The following COL4A4 variants were observed in gnomAD, a reference collection of about 807,000 sequenced individuals.
COL4A4 encodes collagen alpha-4(IV) chain.
Under a neutral mutation model 192.9 loss-of-function variants are expected in COL4A4, and 105 were observed. The observed-to-expected ratio is 0.54, with a 90% CI of 0.46 to 0.64. COL4A4 has a LOEUF of 0.64. Among genes scored for constraint, COL4A4 ranks in the 30% least tolerant of loss-of-function variants. The pLI, the probability that COL4A4 is intolerant of heterozygous loss-of-function variation, is 0.00. For synonymous variants in COL4A4, 762 were observed against 769.9 expected (o/e 0.99, Z 0.17); for missense variants, 1,967 against 2,169.3 (o/e 0.91, Z 1.85).
At chr2:227,016,615 T>C (rs1387839867) in intron 44 of COL4A4, among the ~76,000 whole-genome samples, 1 of 152,156 alleles carries the variant, frequency 6.6e-6, no homozygotes, top group African/African-American at 2.4e-5. Context: ...CTCACTTGCC[T>C]GCCCTCGGTT....
intron 25 of COL4A4, among the ~76,000 whole-genome samples, chr2:227,065,166 T>G (rs1040726701): frequency 2.0e-5 from 3 of 152,174 alleles, no homozygotes; most frequent in Admixed American, 6.5e-5. Context: ...ACCCGAATAC[T>G]GCGCTTTTCC....
chr2:227,133,499 C>T (rs533461688), intron 4 of COL4A4, among the ~76,000 whole-genome samples: 88 of 152,336 alleles, frequency 5.8e-4, no homozygotes, highest in African/African-American at 2.1e-3. Flanking sequence ...GCTGCTGCTG[C>T]TACTTCTACC....
At chr2:226,975,286 AAC>A in the COL4A4 span, among the ~76,000 whole-genome samples, 1 of 151,774 alleles carries the variant, frequency 6.6e-6, no homozygotes, top group Non-Finnish European at 1.5e-5. Context: ...TACACACACA[AAC>A]ACACACACAC....
chr2:227,012,524 TA>T (rs1202120866), intron 44 of COL4A4, among the ~76,000 whole-genome samples: 1 of 150,954 alleles, frequency 6.6e-6, no homozygotes, highest in Non-Finnish European at 1.5e-5. Flanking sequence ...TTTGCTTAAT[TA>T]AAGTCAGTGA....
At chr2:227,095,492 A>C (rs949766562) in intron 19 of COL4A4, among the ~76,000 whole-genome samples, 15 of 152,254 alleles carry the variant, frequency 9.9e-5, no homozygotes, top group African/African-American at 3.4e-4. Context: ...GCACATGCTC[A>C]GTGAATGTTC....
intron 37 of COL4A4, among the ~76,000 whole-genome samples, chr2:227,041,848 G>GAAAGAGAGAGAGAGAGAGAGAAAGAA (rs1243663359): frequency 1.3e-4 from 5 of 38,690 alleles, no homozygotes; most frequent in South Asian, 9.4e-4. Flanking sequence ...AAGAAAGAAA[G>GAAAGAGAGAGAGAGAGAGAGAAAGAA]AGAAAGAAAG....
chr2:227,130,890 G>A (rs1244338274), intron 4 of COL4A4, among the ~76,000 whole-genome samples: 1 of 151,850 alleles, frequency 6.6e-6, no homozygotes, highest in African/African-American at 2.4e-5. Context: ...TTCCTATCAA[G>A]TCTGCCTCCC....
Position 227,107,270 on chromosome 2 carries a change from C to T in COL4A4, c.735+1311G>A, listed in dbSNP as rs142204045. 1.4e-3 allele frequency among the ~76,000 whole-genome samples: 211 copies of T among 152,154 alleles called. 1 individual carries two copies. Among genetic ancestry groups the T allele is most frequent in the Non-Finnish European group, 2.2e-3 (152 of 68,016 alleles). On this transcript the variant is annotated intron_variant, in intron 12 of 47. Transcript: ENST00000396625. ...TTTTAAGTTGTCACAATTGGAGGGA[C>T]GGGATGCTACTGACATCTAGTGGGG...
chr2:227,160,165 C>T (rs2064706005), intron 1 of COL4A4, among the ~76,000 whole-genome samples: 1 of 152,162 alleles, frequency 6.6e-6, no homozygotes, highest in African/African-American at 2.4e-5. Context: ...AGAGATAAAA[C>T]AAAAATGTTG....
intron 37 of COL4A4, among the ~76,000 whole-genome samples, chr2:227,040,447 T>C (rs1300628392): frequency 6.6e-6 from 1 of 152,214 alleles, no homozygotes; most frequent in African/African-American, 2.4e-5. Flanking sequence ...GTATATGAAA[T>C]GTCCTTGCTT....
intron 22 of COL4A4, among the ~76,000 whole-genome samples, chr2:227,085,196 G>T (rs1330016049): frequency 1.3e-5 from 2 of 151,900 alleles, no homozygotes; most frequent in East Asian, 3.9e-4. Flanking sequence ...TATCCTAGTT[G>T]TTCAGTCTAG....
chr2:227,121,573 A>G (rs894809988), intron 4 of COL4A4, among the ~76,000 whole-genome samples: 5 of 135,554 alleles, frequency 3.7e-5, no homozygotes, highest in Non-Finnish European at 6.7e-5. Flanking sequence ...AAAAAAAAAA[A>G]AAAGAAAAGA....
chr2:227,007,385 T>C lies in COL4A4; in HGVS notation c.5013A>G (p.Lys1671=). ...TTTTCTGGCGTTGGGCCTGGCTTTC[T>C]TTTAAGGTGTCTGGTGCTGGAGCAG... The part of the protein sequence containing the change: ...FSSAPAPDTL[K]ESQAQRQKIS... The change falls in exon 48 of 48, where the codon AAA becomes AAG. Residue 1671 remains lysine, a synonymous_variant. Coordinates refer to ENST00000396625, the MANE Select transcript of COL4A4 (RefSeq NM_000092.5). 6.2e-7 allele frequency: 1 copy of C among 1,614,268 alleles called. No homozygotes were observed. The highest frequency in any genetic ancestry group is 8.5e-7 in the Non-Finnish European group (1 of 1,180,048).
chr2:226,993,331 T>C, the COL4A4 span, among the ~76,000 whole-genome samples: 1 of 152,208 alleles, frequency 6.6e-6, no homozygotes. Context: ...TCGAGCTTGC[T>C]TCTGACTCTG....
At chr2:226,984,406 G>C in the COL4A4 span, among the ~76,000 whole-genome samples, 2 of 152,208 alleles carry the variant, frequency 1.3e-5, no homozygotes, top group African/African-American at 4.8e-5. Context: ...CATTGGCAGA[G>C]AGTGCAAGCT....
intron 21 of COL4A4, among the ~76,000 whole-genome samples, 153 bp from the exon 22 acceptor site, chr2:227,088,969 G>T (rs1017799895): frequency 1.3e-5 from 2 of 152,216 alleles, no homozygotes; most frequent in Non-Finnish European, 2.9e-5. Flanking sequence ...TGGGGGCTGG[G>T]TGTGGCATGG....
At chr2:226,992,066 C>T in the COL4A4 span, among the ~76,000 whole-genome samples, 1 of 152,160 alleles carries the variant, frequency 6.6e-6, no homozygotes, top group South Asian at 2.1e-4. Flanking sequence ...AAAGATAAGA[C>T]CCTTCGAGAA....
Position 227,032,207 on chromosome 2 carries a change from C to A in COL4A4, c.3647G>T (p.Gly1216Val). The A allele has an allele frequency of 6.2e-7, 1 of 1,614,142 alleles. No homozygotes were observed. The highest frequency in any genetic ancestry group is 8.5e-7 in the Non-Finnish European group (1 of 1,179,972). ...ACCTGGAGGAGAGATTCCTGGGCTCCCAGGGTCTCCTCTCTCCCCTTTTAG... is the reference window on the plus strand; with the variant it reads ...ACCTGGAGGAGAGATTCCTGGGCTCACAGGGTCTCCTCTCTCCCCTTTTAG... ...PGLKGERGDP[G>V]SPGISPPGPR... Residue 1216 changes from glycine to valine, a missense_variant, in exon 39 of 48, where the codon GGG (glycine) becomes GTG (valine). Physicochemically the swap from Gly to Val is moderately radical, Grantham distance 109. Coordinates refer to ENST00000396625, the MANE Select transcript of COL4A4 (RefSeq NM_000092.5).
chr2:227,096,228 A>T (rs2060199571), intron 19 of COL4A4, among the ~76,000 whole-genome samples: 1 of 152,210 alleles, frequency 6.6e-6, no homozygotes, highest in Non-Finnish European at 1.5e-5. Context: ...AGGAAGCCTT[A>T]GTACAGAGCC....
Sources: gnomAD v4.1 joint callset for allele counts (sites outside exome capture counted in the v4.1 genomes callset) on GRCh38, gnomAD v4.1.1 for gene constraint, MANE v1.5 for transcripts, NCBI Gene and HGNC (gene_info 2026-07-23, HGNC 2026-07-21) for gene names.